Variants in KCTD16 observed in about 807,000 individuals in gnomAD.
KCTD16 encodes the protein potassium channel tetramerization domain containing 16.
A neutral mutation model predicts 33.2 loss-of-function variants in KCTD16; 13 were observed. The observed-to-expected ratio is 0.39, with a 90% CI of 0.25 to 0.62. KCTD16 has a LOEUF of 0.62. Ranked by LOEUF, KCTD16 falls within the 20% of genes least tolerant of loss-of-function variation. KCTD16 has a pLI of 0.50. For synonymous variants in KCTD16, 197 were observed against 195.3 expected, an observed-to-expected ratio of 1.01 and a Z score of -0.07; for missense variants, 441 against 525.1, an observed-to-expected ratio of 0.84 and a Z score of 1.57.
intron 3 of KCTD16, among the ~76,000 whole-genome samples, chr5:144,399,061 C>A (rs1159530006): frequency 6.6e-6 from 1 of 152,148 alleles, no homozygotes; most frequent in African/African-American, 2.4e-5. Context: ...CATTTGTATT[C>A]TCTTAAAGCT....
intron 2 of KCTD16, chr5:144,206,109 T>A (rs908514699): frequency 6.6e-6 from 1 of 152,668 alleles, no homozygotes; most frequent in African/African-American, 2.4e-5. Context: ...AAGTTGAAAA[T>A]TGCATGTTTC....
At chr5:144,457,635 A>G (rs1034667025) in intron 3 of KCTD16, among the ~76,000 whole-genome samples, 1 of 152,206 alleles carries the variant, frequency 6.6e-6, no homozygotes, top group Non-Finnish European at 1.5e-5. Flanking sequence ...AAGGAGAATA[A>G]TTTAGTGCCA....
At chr5:144,389,937 G>A (rs1752412195) in intron 3 of KCTD16, among the ~76,000 whole-genome samples, 1 of 152,152 alleles carries the variant, frequency 6.6e-6, no homozygotes, top group African/African-American at 2.4e-5. Context: ...ATTATCACAG[G>A]AGCGATGACC....
chr5:144,400,263 T>C (rs750100128), intron 3 of KCTD16, among the ~76,000 whole-genome samples: 2 of 152,136 alleles, frequency 1.3e-5, no homozygotes, highest in Non-Finnish European at 2.9e-5. Context: ...CACATACATT[T>C]GACTCTTGAC....
chr5:144,176,460 T>C (rs1752509990), intron 2 of KCTD16, among the ~76,000 whole-genome samples: 1 of 141,560 alleles, frequency 7.1e-6, no homozygotes, highest in African/African-American at 2.6e-5. Flanking sequence ...CGGACTGCAG[T>C]GGCGCAATCT....
chr5:144,416,209 G>A (rs1753050099), intron 3 of KCTD16, among the ~76,000 whole-genome samples: 1 of 152,152 alleles, frequency 6.6e-6, no homozygotes, highest in Non-Finnish European at 1.5e-5. Flanking sequence ...CAGAACACAA[G>A]CTCAGTCCAT....
intron 3 of KCTD16, among the ~76,000 whole-genome samples, chr5:144,369,699 A>T (rs7716889): frequency 0.069 from 10,556 of 152,206 alleles, 1,190 homozygotes; most frequent in African/African-American, 0.24. Context: ...GATGTTAGGG[A>T]TTTTCATTCA....
chr5:144,444,859 G>A (rs905401962), intron 3 of KCTD16, among the ~76,000 whole-genome samples: 1 of 149,938 alleles, frequency 6.7e-6, no homozygotes, highest in East Asian at 1.9e-4. Flanking sequence ...ATATATATGT[G>A]TGTGTGCATG....
intron 3 of KCTD16, among the ~76,000 whole-genome samples, chr5:144,427,839 TA>T (rs1422484778): frequency 6.6e-6 from 1 of 152,058 alleles, no homozygotes; most frequent in African/African-American, 2.4e-5. Flanking sequence ...ATTAGGATAT[TA>T]AAAAAATGGA....
intron 2 of KCTD16, among the ~76,000 whole-genome samples, chr5:144,197,622 T>C (rs1328510188): frequency 2.0e-5 from 3 of 152,198 alleles, no homozygotes; most frequent in African/African-American, 7.2e-5. Flanking sequence ...TGGTGTTCTT[T>C]GTGATGCCAA....
At chr5:144,382,265 GA>G (rs773326143) in intron 3 of KCTD16, among the ~76,000 whole-genome samples, 7 of 152,166 alleles carry the variant, frequency 4.6e-5, no homozygotes, top group Non-Finnish European at 1.0e-4. Flanking sequence ...CATGTGGGAA[GA>G]GGGTGAAGGT....
chr5:144,315,008 T>A (rs1231426672), intron 3 of KCTD16, among the ~76,000 whole-genome samples: 1 of 152,218 alleles, frequency 6.6e-6, no homozygotes, highest in South Asian at 2.1e-4. Flanking sequence ...TTGGTCTTTG[T>A]GGCTAAGAGA....
intron 3 of KCTD16, among the ~76,000 whole-genome samples, chr5:144,213,862 T>C (rs1158261582): frequency 6.6e-6 from 1 of 152,184 alleles, no homozygotes; most frequent in Non-Finnish European, 1.5e-5. Flanking sequence ...ATTCAAGGTC[T>C]AGTATTGCAC....
intron 3 of KCTD16, among the ~76,000 whole-genome samples, chr5:144,455,105 G>A (rs1354676294): frequency 1.3e-5 from 2 of 152,078 alleles, no homozygotes; most frequent in Non-Finnish European, 2.9e-5. Flanking sequence ...TGTCGGTGGT[G>A]TCCTTACCTC....
intron 3 of KCTD16, among the ~76,000 whole-genome samples, chr5:144,242,103 G>T (rs1580814105): frequency 1.3e-5 from 2 of 151,976 alleles, no homozygotes; most frequent in East Asian, 3.9e-4. Context: ...TATTTTTTTT[G>T]AAGGGGAAGC....
intron 3 of KCTD16, among the ~76,000 whole-genome samples, chr5:144,443,093 C>T (rs769904444): frequency 1.4e-4 from 22 of 152,152 alleles, no homozygotes; most frequent in Admixed American, 6.6e-4. Context: ...CTTCTGCAAC[C>T]GGTGTCTGGG....
intron 3 of KCTD16, among the ~76,000 whole-genome samples, chr5:144,387,974 A>AT (rs1030814168): frequency 4.7e-5 from 7 of 148,928 alleles, no homozygotes; most frequent in Admixed American, 2.7e-4. Context: ...GATTTCATTA[A>AT]TTTTTTCACT....
At chr5:144,359,697 C>T (rs569999216) in intron 3 of KCTD16, among the ~76,000 whole-genome samples, 1 of 150,790 alleles carries the variant, frequency 6.6e-6, no homozygotes, top group Non-Finnish European at 1.5e-5. Flanking sequence ...GCCAGGGATG[C>T]GGCTAACCAT....
intron 3 of KCTD16, among the ~76,000 whole-genome samples, chr5:144,377,484 A>G (rs1752119166): frequency 6.6e-6 from 1 of 152,200 alleles, no homozygotes. Flanking sequence ...ATTTTATTAC[A>G]TTATACAATT....
Sources: gnomAD v4.1 joint callset for allele counts (sites outside exome capture counted in the v4.1 genomes callset) on GRCh38, gnomAD v4.1.1 for gene constraint, MANE v1.5 for transcripts, NCBI Gene and HGNC (gene_info 2026-07-23, HGNC 2026-07-21) for gene names.